Variants in TEX22 observed in about 807,000 individuals in gnomAD.
The protein encoded by TEX22 is testis expressed 22, also known as testis-expressed protein 22.
In TEX22, 16 loss-of-function variants were observed where a neutral mutation model predicts 11.3. That is an observed-to-expected ratio of 1.42 (90% CI 0.96 to 2.15). The LOEUF (loss-of-function observed/expected upper bound fraction) is 2.15, where lower values mean the gene tolerates loss of function less well. TEX22 is among the 30% of genes most tolerant of loss of function. TEX22 has a pLI of 0.00. For synonymous variants in TEX22, 97 were observed against 92.3 expected (o/e 1.05, Z -0.29); for missense variants, 220 against 208.6 (o/e 1.05, Z -0.34).
At position 105,411,360 on chromosome 14, in the gene TEX22, TC is replaced by T; in HGVS notation, c.151-3del. ...AGGCCCTCGCCGACCCGCTGCCCTG[TC>T]CCCCAGGTGTGCGAGCCGCCGGAAC... On this transcript the variant is annotated splice_region_variant and splice_polypyrimidine_tract_variant and intron_variant, in intron 2 of 3. Coordinates refer to ENST00000451127, the MANE Select transcript of TEX22 (RefSeq NM_001195082.2). 3.0e-6 allele frequency: 4 copies of T among 1,328,934 alleles called. No homozygotes were observed. The highest frequency in any genetic ancestry group is 1.9e-5 in the South Asian group (1 of 52,910). The allele number at this position is 1,328,934 out of a possible 1,614,324, so 82.3% of individuals were successfully genotyped here. A position where few individuals can be genotyped will look rare whatever the true frequency, so the allele number is the denominator to read the frequency against.
chr14:105,412,642 G>C lies in TEX22; in HGVS notation c.*809G>C, dbSNP rs1216598616. On this transcript the variant is annotated 3_prime_UTR_variant, in exon 4 of 4. Coordinates refer to ENST00000451127, the MANE Select transcript of TEX22 (RefSeq NM_001195082.2). This position sits in a 1 kb window ranked among gnomAD's most constrained non-coding sequence, Gnocchi z 5.8. ...CATTTTGGGGACACTAAGTTGCAGG[G>C]GGACTGGATTGGGAGGCGGGGCAGG... 1 of 152,018 alleles carries C rather than the reference G, an allele frequency of 6.6e-6. No individual in the cohort carries two copies. Among genetic ancestry groups the C allele is most frequent in the East Asian group, 1.9e-4 (1 of 5,188 alleles). The allele number at this position is 152,018 out of a possible 1,614,324, so 9.4% of individuals were successfully genotyped here. A position where few individuals can be genotyped will look rare whatever the true frequency, so the allele number is the denominator to read the frequency against.
chr14:105,402,059 G>A (rs782797516), intron 2 of TEX22, among the ~76,000 whole-genome samples: 2 of 152,152 alleles, frequency 1.3e-5, no homozygotes, highest in African/African-American at 2.4e-5. Context: ...GGTGGTGGGT[G>A]CCTATAATCC....
At chr14:105,409,498 C>CTT (rs1421021622) in intron 2 of TEX22, among the ~76,000 whole-genome samples, 28 of 145,760 alleles carry the variant, frequency 1.9e-4, no homozygotes, top group African/African-American at 7.6e-4. Context: ...ACTTCTTCTT[C>CTT]TTCTTTTTTT....
At chr14:105,402,162 G>A (rs2081630833) in intron 2 of TEX22, among the ~76,000 whole-genome samples, 1 of 152,132 alleles carries the variant, frequency 6.6e-6, no homozygotes, top group Non-Finnish European at 1.5e-5. Flanking sequence ...CTCCAGCCTG[G>A]GCGACAGAGG....
intron 1 of TEX22, 33 bp from the exon 2 acceptor site, chr14:105,399,269 C>G: frequency 5.7e-6 from 7 of 1,224,022 alleles, no homozygotes; most frequent in Non-Finnish European, 4.5e-6. Context: ...GCCTTGTGGG[C>G]CCCGCCCCAC....
At chr14:105,405,495 C>T (rs2081654158) in intron 2 of TEX22, among the ~76,000 whole-genome samples, 1 of 152,102 alleles carries the variant, frequency 6.6e-6, no homozygotes, top group Admixed American at 6.6e-5. Context: ...CCAAATTCAG[C>T]GGTAGGGTTG....
intron 2 of TEX22, among the ~76,000 whole-genome samples, chr14:105,402,741 G>A (rs1191223756): frequency 6.8e-6 from 1 of 147,372 alleles, no homozygotes; most frequent in Non-Finnish European, 1.5e-5. Context: ...GGGCGACAGA[G>A]CGAGACTCCG....
rs2081697003 is a variant in TEX22 at position 105,412,038 on chromosome 14, G to A, written c.*205G>A. 1.7e-5 allele frequency: 8 copies of A among 464,058 alleles called. No homozygotes were observed. In the South Asian group the frequency reaches 3.5e-4, roughly 21 times the overall value. 28.7% of individuals were successfully genotyped at this position (464,058 alleles called of 1,614,324 possible). A position where few individuals can be genotyped will look rare whatever the true frequency, so the allele number is the denominator to read the frequency against. On this transcript the variant is annotated 3_prime_UTR_variant, in exon 4 of 4. Coordinates refer to ENST00000451127, the MANE Select transcript of TEX22 (RefSeq NM_001195082.2). This position sits in a 1 kb window ranked among gnomAD's most constrained non-coding sequence, Gnocchi z 5.8. ...GCTAGGGGCTATGGGAGGCCATCTA[G>A]GGGAGGGGAACACTGCCCCGGGTCA...
chr14:105,403,479 C>T (rs1010481627), intron 2 of TEX22, among the ~76,000 whole-genome samples: 2 of 152,186 alleles, frequency 1.3e-5, no homozygotes, highest in Non-Finnish European at 2.9e-5. Context: ...TAGACTCCTG[C>T]TTCTCTAATC....
chr14:105,411,978 G>A lies in TEX22; in HGVS notation c.*145G>A. The A allele has an allele frequency of 2.4e-6, 2 of 817,168 alleles. No homozygotes were observed. The highest frequency in any genetic ancestry group is 3.5e-6 in the Non-Finnish European group (2 of 563,454). The allele number at this position is 817,168 out of a possible 1,614,324, so 50.6% of individuals were successfully genotyped here. A position where few individuals can be genotyped will look rare whatever the true frequency, so the allele number is the denominator to read the frequency against. On this transcript the variant is annotated 3_prime_UTR_variant, in exon 4 of 4. Coordinates refer to ENST00000451127, the MANE Select transcript of TEX22 (RefSeq NM_001195082.2). ...AACAGGCCAGGCAGGACCTGGCTCC[G>A]GACAGCCTGCAGCTGCTGAGGCCTT...
At chr14:105,410,536 C>T (rs1418127822) in intron 2 of TEX22, among the ~76,000 whole-genome samples, 1 of 152,230 alleles carries the variant, frequency 6.6e-6, no homozygotes, top group Non-Finnish European at 1.5e-5. Context: ...TGTTTGCCTT[C>T]CTGCCTTCAA....
At chr14:105,401,846 G>T (rs2081628628) in intron 2 of TEX22, among the ~76,000 whole-genome samples, 1 of 152,190 alleles carries the variant, frequency 6.6e-6, no homozygotes, top group African/African-American at 2.4e-5. Flanking sequence ...GGCCACCAAT[G>T]GAAGTATTTC....
At chr14:105,399,591 A>C in intron 2 of TEX22, 101 bp downstream of exon 2, 48 of 1,321,010 alleles carry the variant, frequency 3.6e-5, no homozygotes, top group Non-Finnish European at 4.4e-5. Context: ...GAGCAGCCTC[A>C]GGGGAGGGCT....
chr14:105,408,946 TCCTCCC>T (rs1171657057), intron 2 of TEX22, among the ~76,000 whole-genome samples: 11 of 100,104 alleles, frequency 1.1e-4, no homozygotes, highest in African/African-American at 1.9e-4. Flanking sequence ...TGTTCCCCCC[TCCTCCC>T]CCTCCCCCTC....
intron 2 of TEX22, among the ~76,000 whole-genome samples, chr14:105,407,581 T>A (rs587718168): frequency 6.6e-6 from 1 of 152,278 alleles, no homozygotes; most frequent in Admixed American, 6.5e-5. Flanking sequence ...TTGCCCAGGC[T>A]GGTCTCGAAC....
Position 105,399,407 on chromosome 14 carries a change from C to T in TEX22, c.67C>T (p.Arg23Trp), listed in dbSNP as rs1478725032. The stretch of plus-strand genomic sequence containing the variant: ...GTCGCACCTCTCCCAAGAGCACAGG[C>T]GGCCCCCACTGGGCCTGATAGCAGC... Reference protein sequence around the residue: ...LESHLSQEHRRPPLGLIAAWG... With the variant: ...LESHLSQEHRWPPLGLIAAWG... Residue 23 changes from arginine (R) to tryptophan (W), a missense_variant, in exon 2 of 4, where the codon CGG (arginine) becomes TGG (tryptophan). Coordinates refer to ENST00000451127, the MANE Select transcript of TEX22 (RefSeq NM_001195082.2). The T allele has an allele frequency of 1.3e-6, 2 of 1,535,712 alleles. No homozygotes were observed. The highest frequency in any genetic ancestry group is 1.4e-5 in the African/African-American group (1 of 73,040).
chr14:105,405,093 A>G (rs2141358748), intron 2 of TEX22, among the ~76,000 whole-genome samples: 1 of 152,230 alleles, frequency 6.6e-6, no homozygotes, highest in South Asian at 2.1e-4. Context: ...GCTTGAGCTC[A>G]GCCTGGCAAC....
chr14:105,405,880 C>T (rs587653844), intron 2 of TEX22, among the ~76,000 whole-genome samples: 1 of 152,178 alleles, frequency 6.6e-6, no homozygotes, highest in African/African-American at 2.4e-5. Flanking sequence ...AGAGCAAGGC[C>T]TGGCTTGTCC....
intron 2 of TEX22, among the ~76,000 whole-genome samples, chr14:105,402,534 C>G (rs890270511): frequency 2.6e-5 from 4 of 151,702 alleles, no homozygotes; most frequent in African/African-American, 4.9e-5. Context: ...GCGGGCAGAT[C>G]ACAAGGTCTG....
Sources: allele counts gnomAD v4.1 joint callset (sites outside exome capture counted in the v4.1 genomes callset), GRCh38; gene constraint gnomAD v4.1.1; non-coding constraint Gnocchi (gnomAD v3.1); transcripts MANE v1.5; gene names NCBI Gene and HGNC (gene_info 2026-07-23, HGNC 2026-07-21).